SH3GL2: variants seen among roughly 807,000 people sequenced by gnomAD.
The protein encoded by SH3GL2 is endophilin-A1.
SH3GL2 carries 24 observed loss-of-function variants against 46.0 expected under a neutral mutation model. The ratio of observed to expected loss-of-function variants is 0.52; its 90% CI spans 0.38 to 0.73. The LOEUF (loss-of-function observed/expected upper bound fraction) is 0.73. SH3GL2 is among the 30% of genes least tolerant of loss of function. The pLI is 0.00. For synonymous variants in SH3GL2, 196 were observed against 147.1 expected (o/e 1.33, Z -2.40); for missense variants, 413 against 424.2 (o/e 0.97, Z 0.23).
At chr9:17,785,674 G>T (rs1223673752) in intron 3 of SH3GL2, among the ~76,000 whole-genome samples, 2 of 152,022 alleles carry the variant, frequency 1.3e-5, no homozygotes, top group Non-Finnish European at 2.9e-5. Context: ...CACTAACACT[G>T]GAATTGGTTT....
At chr9:17,701,928 T>C (rs1399493071) in intron 1 of SH3GL2, among the ~76,000 whole-genome samples, 1 of 152,024 alleles carries the variant, frequency 6.6e-6, no homozygotes, top group Non-Finnish European at 1.5e-5. Flanking sequence ...AAAGATAATA[T>C]TTTTAGTAAG....
At chr9:17,761,925 G>A (rs565386372) in intron 3 of SH3GL2, among the ~76,000 whole-genome samples, 2 of 152,180 alleles carry the variant, frequency 1.3e-5, no homozygotes, top group South Asian at 4.2e-4. Flanking sequence ...AACACAGAGG[G>A]TTTCTTCATA....
chr9:17,613,878 C>T (rs979156253), intron 1 of SH3GL2, among the ~76,000 whole-genome samples: 4 of 152,142 alleles, frequency 2.6e-5, no homozygotes, highest in African/African-American at 9.7e-5. Flanking sequence ...TGACTAAGCT[C>T]ATCTTAATGC....
At chr9:17,590,960 A>G (rs761488238) in intron 1 of SH3GL2, 3 of 152,042 alleles carry the variant, frequency 2.0e-5, no homozygotes, top group Non-Finnish European at 2.9e-5. Context: ...GGGTCTTGCT[A>G]CATTGCCCAG....
At chr9:17,623,639 A>G (rs1193623208) in intron 1 of SH3GL2, among the ~76,000 whole-genome samples, 2 of 151,998 alleles carry the variant, frequency 1.3e-5, no homozygotes, top group Non-Finnish European at 2.9e-5. Flanking sequence ...AAAAATTACA[A>G]AGAATACCTG....
chr9:17,607,004 C>G (rs572016039), intron 1 of SH3GL2, among the ~76,000 whole-genome samples: 1 of 152,284 alleles, frequency 6.6e-6, no homozygotes, highest in South Asian at 2.1e-4. Context: ...TAGCTGAAGC[C>G]CTTTTTTTCT....
At chr9:17,721,781 C>G (rs1169675918) in intron 1 of SH3GL2, among the ~76,000 whole-genome samples, 1 of 152,008 alleles carries the variant, frequency 6.6e-6, no homozygotes, top group Non-Finnish European at 1.5e-5. Flanking sequence ...AGAGGCCTTC[C>G]CAGCCTCCGT....
intron 1 of SH3GL2, among the ~76,000 whole-genome samples, chr9:17,726,145 G>C (rs1352774131): frequency 6.6e-6 from 1 of 152,136 alleles, no homozygotes; most frequent in African/African-American, 2.4e-5. Flanking sequence ...ATTTTCACCA[G>C]TTAAATAAAT....
At chr9:17,683,119 A>C (rs1043395420) in intron 1 of SH3GL2, among the ~76,000 whole-genome samples, 1 of 152,110 alleles carries the variant, frequency 6.6e-6, no homozygotes, top group African/African-American at 2.4e-5. Flanking sequence ...ACTGGAGTAA[A>C]TGCTGATGCT....
chr9:17,725,982 G>A lies in SH3GL2; in HGVS notation c.46-21084G>A, dbSNP rs112693372. Among the ~76,000 whole-genome samples, 460 of 152,080 alleles carry A rather than the reference G, an allele frequency of 3.0e-3. 8 individuals carry two copies. Among genetic ancestry groups the A allele is most frequent in the African/African-American group, 0.01 (418 of 41,506 alleles). On this transcript the variant is annotated intron_variant, in intron 1 of 8. Coordinates refer to ENST00000380607, the MANE Select transcript of SH3GL2 (RefSeq NM_003026.5). Reference sequence around the variant, plus strand: ...GAGCTGGCAGTAGGGGTGTAGGGAGGGTATGGGAGCAAGTCATTGCTCCAG... The same window carrying A: ...GAGCTGGCAGTAGGGGTGTAGGGAGAGTATGGGAGCAAGTCATTGCTCCAG...
intron 1 of SH3GL2, among the ~76,000 whole-genome samples, chr9:17,602,180 A>G (rs997021579): frequency 6.6e-6 from 1 of 152,188 alleles, no homozygotes; most frequent in Non-Finnish European, 1.5e-5. Context: ...CCAAGGCAGG[A>G]TGCTCGTGGC....
At chr9:17,698,176 C>T (rs956189965) in intron 1 of SH3GL2, among the ~76,000 whole-genome samples, 1 of 152,188 alleles carries the variant, frequency 6.6e-6, no homozygotes, top group Non-Finnish European at 1.5e-5. Flanking sequence ...GCAGTCCTGG[C>T]TTCAAGTCCA....
chr9:17,638,171 A>ATTT (rs1819589222), intron 1 of SH3GL2, among the ~76,000 whole-genome samples: 1 of 151,960 alleles, frequency 6.6e-6, no homozygotes, highest in Non-Finnish European at 1.5e-5. Flanking sequence ...AAAAAACAAA[A>ATTT]AAACAAAAAA....
chr9:17,747,967 C>G (rs529908314), intron 2 of SH3GL2, among the ~76,000 whole-genome samples: 1 of 152,230 alleles, frequency 6.6e-6, no homozygotes, highest in East Asian at 1.9e-4. Flanking sequence ...AACCACTGCA[C>G]CCAGCAGAGC....
At chr9:17,615,170 A>G (rs1296762341) in intron 1 of SH3GL2, among the ~76,000 whole-genome samples, 1 of 152,174 alleles carries the variant, frequency 6.6e-6, no homozygotes, top group African/African-American at 2.4e-5. Context: ...TCAAAGGCTG[A>G]CTTCCTGGTG....
intron 1 of SH3GL2, among the ~76,000 whole-genome samples, chr9:17,741,436 G>C (rs1443796164): frequency 6.6e-6 from 1 of 152,164 alleles, no homozygotes. Context: ...GATGAATGCA[G>C]AATAGTTAAA....
chr9:17,732,851 C>G (rs952909268), intron 1 of SH3GL2, among the ~76,000 whole-genome samples: 2 of 152,086 alleles, frequency 1.3e-5, no homozygotes, highest in Admixed American at 6.6e-5. Context: ...TTTTTGCACA[C>G]TGAAGTTGCA....
intron 3 of SH3GL2, among the ~76,000 whole-genome samples, chr9:17,768,387 A>G (rs968525102): frequency 2.6e-5 from 4 of 151,814 alleles, no homozygotes; most frequent in African/African-American, 9.7e-5. Flanking sequence ...AAAAAAAAAA[A>G]AAAACACCAG....
intron 1 of SH3GL2, among the ~76,000 whole-genome samples, chr9:17,702,507 A>T (rs904480326): frequency 2.2e-4 from 33 of 152,090 alleles, no homozygotes; most frequent in African/African-American, 8.0e-4. Flanking sequence ...GCAAGGAGCA[A>T]AACATAGTGA....
Sources: gnomAD v4.1 joint callset for allele counts (sites outside exome capture counted in the v4.1 genomes callset) on GRCh38, gnomAD v4.1.1 for gene constraint, MANE v1.5 for transcripts, NCBI Gene and HGNC (gene_info 2026-07-23, HGNC 2026-07-21) for gene names.